Variants in RB1CC1 observed in about 807,000 individuals in gnomAD.
RB1CC1 encodes RB1-inducible coiled-coil protein 1.
A neutral mutation model predicts 177.5 loss-of-function variants in RB1CC1; 46 were observed. That is an observed-to-expected ratio of 0.26 (90% CI 0.20 to 0.33). RB1CC1 has a LOEUF of 0.33. Ranked by LOEUF, RB1CC1 falls within the 10% of genes least tolerant of loss-of-function variation. The pLI, the probability that RB1CC1 is intolerant of heterozygous loss-of-function variation, is 1.00. For synonymous variants in RB1CC1, 666 were observed against 613.6 expected, an observed-to-expected ratio of 1.09 and a Z score of -1.26; for missense variants, 1,703 against 1,816.3, an observed-to-expected ratio of 0.94 and a Z score of 1.13.
chr8:52,624,884 CAT>C (rs1848273482), intron 22 of RB1CC1, 97 bp from the exon 23 acceptor site: 4 of 874,696 alleles, frequency 4.6e-6, no homozygotes, highest in Admixed American at 3.3e-5. Flanking sequence ...AAAAAGCTCT[CAT>C]GAGTGGAAGA....
chr8:52,642,484 A>G lies in RB1CC1; in HGVS notation c.4204T>C (p.Tyr1402His), dbSNP rs1315885041. The change falls in exon 18 of 24, where the codon TAT becomes CAT. Residue 1402 changes from tyrosine (Y) to histidine (H), a missense_variant. Physicochemically the swap from Tyr to His is moderately conservative, Grantham distance 83. This residue lies in a region of RB1CC1 where 1,169 missense variants were observed against 1,184.7 expected (regional missense o/e 0.99). Coordinates refer to ENST00000025008, the MANE Select transcript of RB1CC1 (RefSeq NM_014781.5). ...LRSSSFVPSP[Y>H]VATAPELYGA... The stretch of plus-strand genomic sequence containing the variant: ...TAAAGTTCTGGGGCTGTAGCTACAT[A>G]TGGTGAAGGAACAAAACTGCTACTA... The G allele has an allele frequency of 1.4e-5, 22 of 1,614,080 alleles. No individual in the cohort carries two copies. Among genetic ancestry groups the G allele is most frequent in the East Asian group, 2.2e-5 (1 of 44,864 alleles).
chr8:52,659,624 G>A (rs906173882), intron 12 of RB1CC1, among the ~76,000 whole-genome samples: 2 of 152,122 alleles, frequency 1.3e-5, no homozygotes, highest in African/African-American at 2.4e-5. Flanking sequence ...TATGGGAATC[G>A]CTATGTCACC....
At position 52,658,136 on chromosome 8, in the gene RB1CC1, T is replaced by G. The variant is rs570936238; in HGVS notation, c.1794-12A>C. The G allele has an allele frequency of 6.2e-7, 1 of 1,605,210 alleles. No homozygotes were observed. The highest frequency in any genetic ancestry group is 1.1e-5 in the South Asian group (1 of 89,034). On this transcript the variant is annotated splice_polypyrimidine_tract_variant and intron_variant, in intron 13 of 23. Coordinates refer to ENST00000025008, the MANE Select transcript of RB1CC1 (RefSeq NM_014781.5). Reference sequence around the variant, plus strand: ...AAAGTAAGGGAACCCTGAAACAGAATGCAATGCAATTAGACTTCTGATTTT... The same window carrying G: ...AAAGTAAGGGAACCCTGAAACAGAAGGCAATGCAATTAGACTTCTGATTTT...
intron 1 of RB1CC1, among the ~76,000 whole-genome samples, chr8:52,687,520 T>G (rs1854378554): frequency 6.6e-6 from 1 of 152,166 alleles, no homozygotes; most frequent in Non-Finnish European, 1.5e-5. Context: ...TTACTTAAGA[T>G]TATAACTCCC....
At chr8:52,630,670 A>T in intron 20 of RB1CC1, 142 bp from the exon 21 acceptor site, 2 of 735,806 alleles carry the variant, frequency 2.7e-6, no homozygotes, top group Non-Finnish European at 3.9e-6. Context: ...TCTTATGTTC[A>T]TTAATAATTC....
Position 52,685,565 on chromosome 8 carries a change from A to C in RB1CC1, c.-51-45T>G, listed in dbSNP as rs981446006. On this transcript the variant is annotated intron_variant, in intron 2 of 23. Coordinates refer to ENST00000025008, the MANE Select transcript of RB1CC1 (RefSeq NM_014781.5). Reference sequence around the variant, plus strand: ...TGATCAATTTTACAAATGCAACTACAATCACAAATACTATCATCATTATGA... The same window carrying C: ...TGATCAATTTTACAAATGCAACTACCATCACAAATACTATCATCATTATGA... 2.4e-5 allele frequency: 16 copies of C among 680,576 alleles called. No individual in the cohort carries two copies. The African/African-American group carries it at 2.7e-4, about 12-fold the overall frequency. The allele number at this position is 680,576 out of a possible 1,614,324, so 42.2% of individuals were successfully genotyped here.
chr8:52,677,549 C>A (rs1853243108), intron 5 of RB1CC1, among the ~76,000 whole-genome samples: 1 of 152,102 alleles, frequency 6.6e-6, no homozygotes, highest in African/African-American at 2.4e-5. Context: ...CAAATAGAAG[C>A]TTTAAGAAGA....
intron 15 of RB1CC1, among the ~76,000 whole-genome samples, chr8:52,650,143 G>C (rs909837549): frequency 6.6e-6 from 1 of 152,214 alleles, no homozygotes; most frequent in Non-Finnish European, 1.5e-5. Context: ...GTAGAACCAA[G>C]TGGTGAAAGG....
intron 1 of RB1CC1, among the ~76,000 whole-genome samples, chr8:52,696,400 G>A (rs1855416003): frequency 6.6e-6 from 1 of 152,142 alleles, no homozygotes; most frequent in African/African-American, 2.4e-5. Context: ...GTCTAAAGTA[G>A]AAAATGTACC....
chr8:52,700,887 A>C (rs988090671), intron 1 of RB1CC1, among the ~76,000 whole-genome samples: 6 of 152,240 alleles, frequency 3.9e-5, no homozygotes, highest in East Asian at 1.9e-4. Context: ...GTTTAACAAC[A>C]ACCACTGCAG....
At chr8:52,672,746 A>AAAAAC (rs1206375073) in intron 7 of RB1CC1, among the ~76,000 whole-genome samples, 2 of 152,204 alleles carry the variant, frequency 1.3e-5, no homozygotes, top group South Asian at 2.1e-4. Context: ...CCCTAACTCA[A>AAAAAC]AAAACAAAAC....
chr8:52,659,066 A>G (rs1023326054), intron 12 of RB1CC1, 90 bp from the exon 13 acceptor site: 2 of 602,886 alleles, frequency 3.3e-6, no homozygotes, highest in Non-Finnish European at 5.4e-6. Context: ...AATTAAATTT[A>G]CTATACCAAA....
rs535809704 is a variant in RB1CC1 at position 52,661,430 on chromosome 8, G to C, written c.1358+105C>G. The C allele has an allele frequency of 1.2e-5, 17 of 1,442,056 alleles. No homozygotes were observed. In the African/African-American group the frequency reaches 1.6e-4, roughly 13 times the overall value. 89.3% of individuals were successfully genotyped at this position (1,442,056 alleles called of 1,614,324 possible). ...GTCTAATTCCAAAGTTCATCAATAA[G>C]GTATTTCAATAAAATGGTAGGGAAA... On this transcript the variant is annotated intron_variant, in intron 9 of 23. Coordinates refer to ENST00000025008, the MANE Select transcript of RB1CC1 (RefSeq NM_014781.5).
chr8:52,627,744 A>G (rs947781000), intron 22 of RB1CC1, among the ~76,000 whole-genome samples: 1 of 152,188 alleles, frequency 6.6e-6, no homozygotes. Flanking sequence ...TAGTCTGTAC[A>G]TGAGAACTTT....
chr8:52,704,026 T>C (rs998162492), intron 1 of RB1CC1, among the ~76,000 whole-genome samples: 1 of 152,084 alleles, frequency 6.6e-6, no homozygotes, highest in Non-Finnish European at 1.5e-5. Context: ...CTCCTTTGTA[T>C]GCCACAATTG....
At chr8:52,627,992 C>T in intron 22 of RB1CC1, 40 bp downstream of exon 22, 1 of 1,490,998 alleles carries the variant, frequency 6.7e-7, no homozygotes, top group Middle Eastern at 1.8e-4. Flanking sequence ...ATAATTTCCT[C>T]CATTCCAGGT....
chr8:52,630,915 T>C (rs912955695), intron 20 of RB1CC1, among the ~76,000 whole-genome samples: 8 of 152,186 alleles, frequency 5.3e-5, no homozygotes, highest in African/African-American at 1.9e-4. Flanking sequence ...GAAAATTTCT[T>C]GGCAAGGCAA....
chr8:52,673,703 C>T, intron 7 of RB1CC1, 142 bp downstream of exon 7: 1 of 737,216 alleles, frequency 1.4e-6, no homozygotes, highest in South Asian at 2.7e-5. Flanking sequence ...TAAATTGATT[C>T]AACCTATGTT....
intron 5 of RB1CC1, among the ~76,000 whole-genome samples, chr8:52,680,778 G>A (rs1340431103): frequency 3.3e-5 from 5 of 152,270 alleles, no homozygotes; most frequent in Non-Finnish European, 5.9e-5. Context: ...ATCATGTTGC[G>A]TAAAAGAGGC....
Sources: allele counts gnomAD v4.1 joint callset (sites outside exome capture counted in the v4.1 genomes callset), GRCh38; gene constraint gnomAD v4.1.1; regional missense constraint gnomAD v4.1.1; transcripts MANE v1.5; gene names NCBI Gene and HGNC (gene_info 2026-07-23, HGNC 2026-07-21).